Variants in IQCM observed in about 807,000 individuals in gnomAD.
IQCM encodes the protein IQ domain-containing protein M.
In IQCM, 45 loss-of-function variants were observed where a neutral mutation model predicts 57.6. The ratio of observed to expected loss-of-function variants is 0.78; its 90% CI spans 0.62 to 1.00. The LOEUF is 1.00. IQCM is among the 50% of genes least tolerant of loss of function. The pLI is 0.00. For synonymous variants in IQCM, 148 were observed against 158.9 expected, an observed-to-expected ratio of 0.93 and a Z score of 0.51; for missense variants, 468 against 511.6, an observed-to-expected ratio of 0.91 and a Z score of 0.82.
At chr4:149,567,899 A>C (rs1750783469) in intron 9 of IQCM, among the ~76,000 whole-genome samples, 1 of 152,160 alleles carries the variant, frequency 6.6e-6, no homozygotes, top group African/African-American at 2.4e-5. Context: ...TATTAGGACC[A>C]TTGGCTCAAA....
At chr4:149,724,408 T>C (rs1049612412) in intron 5 of IQCM, among the ~76,000 whole-genome samples, 15 of 152,030 alleles carry the variant, frequency 9.9e-5, no homozygotes, top group Admixed American at 2.6e-4. Flanking sequence ...TATGCTCTCA[T>C]TTTATATATA....
chr4:149,445,281 C>A (rs572858030), intron 12 of IQCM, among the ~76,000 whole-genome samples: 4 of 151,832 alleles, frequency 2.6e-5, no homozygotes, highest in Admixed American at 6.6e-5. Flanking sequence ...GTAGGATAAA[C>A]CTGGATTCCT....
intron 5 of IQCM, among the ~76,000 whole-genome samples, chr4:149,687,401 A>T (rs1487989956): frequency 6.6e-6 from 1 of 151,592 alleles, no homozygotes. Flanking sequence ...TCAGAAAAAA[A>T]AAATTTAAAA....
At chr4:149,803,741 C>A (rs1409774178) in intron 2 of IQCM, among the ~76,000 whole-genome samples, 1 of 151,846 alleles carries the variant, frequency 6.6e-6, no homozygotes, top group Non-Finnish European at 1.5e-5. Context: ...TAGGTGTCAA[C>A]ATTTTTGCTA....
intron 8 of IQCM, among the ~76,000 whole-genome samples, chr4:149,601,937 T>C (rs1434704516): frequency 1.3e-5 from 2 of 148,992 alleles, no homozygotes; most frequent in East Asian, 4.0e-4. Context: ...GCCTGTAGTC[T>C]GAGCTACTTG....
intron 12 of IQCM, among the ~76,000 whole-genome samples, chr4:149,451,055 G>A (rs956471261): frequency 1.3e-5 from 2 of 151,760 alleles, no homozygotes; most frequent in South Asian, 4.1e-4. Flanking sequence ...TGGGACTGGA[G>A]GTCATTATGC....
intron 12 of IQCM, among the ~76,000 whole-genome samples, chr4:149,466,731 G>C (rs1053264304): frequency 6.6e-6 from 1 of 152,074 alleles, no homozygotes; most frequent in African/African-American, 2.4e-5. Flanking sequence ...ATATGTTCAG[G>C]CTGTGACAAC....
In IQCM at chr4:149,617,282, A is replaced by G. The variant is rs530565458; in HGVS notation, c.681+3847T>C. Among the ~76,000 whole-genome samples the G allele has an allele frequency of 7.9e-5, 12 of 152,246 alleles. No individual in the cohort carries two copies. The East Asian group carries it at 1.4e-3, about 17-fold the overall frequency. On this transcript the variant is annotated intron_variant, in intron 8 of 13. Transcript: ENST00000636793. ...TATCCTGGAACTTAAAGTAAACTAA[A>G]AAAACAAACAAAAAAAGAACTTGGT... is the stretch of plus-strand genomic sequence containing the variant.
At chr4:149,542,595 T>C (rs1413277476) in intron 12 of IQCM, among the ~76,000 whole-genome samples, 10 of 152,194 alleles carry the variant, frequency 6.6e-5, no homozygotes, top group African/African-American at 2.2e-4. Context: ...CTCTAGCATA[T>C]AGATCATTAT....
At chr4:149,742,236 T>G (rs1255709036) in intron 3 of IQCM, among the ~76,000 whole-genome samples, 3 of 152,222 alleles carry the variant, frequency 2.0e-5, no homozygotes, top group Non-Finnish European at 4.4e-5. Flanking sequence ...GCTAAATTTT[T>G]ATCAGAACTA....
intron 8 of IQCM, among the ~76,000 whole-genome samples, chr4:149,611,317 G>T (rs544172802): frequency 1.3e-5 from 2 of 152,230 alleles, no homozygotes; most frequent in East Asian, 3.9e-4. Context: ...ACATGATTCA[G>T]CAACCCCACT....
At chr4:149,365,379 C>A (rs919445577) in intron 13 of IQCM, among the ~76,000 whole-genome samples, 1 of 152,194 alleles carries the variant, frequency 6.6e-6, no homozygotes, top group South Asian at 2.1e-4. Flanking sequence ...ATATACATAA[C>A]TATTTACTAG....
chr4:149,573,217 G>T (rs1347784984), intron 9 of IQCM, among the ~76,000 whole-genome samples: 2 of 150,868 alleles, frequency 1.3e-5, no homozygotes, highest in Non-Finnish European at 3.0e-5. Context: ...TTATATAATT[G>T]TAACTTTTAA....
At chr4:149,745,554 T>C (rs147316634) in intron 2 of IQCM, among the ~76,000 whole-genome samples, 1 of 152,310 alleles carries the variant, frequency 6.6e-6, no homozygotes, top group East Asian at 1.9e-4. Flanking sequence ...TAAGGCTCTC[T>C]GAAACGGTTA....
intron 13 of IQCM, among the ~76,000 whole-genome samples, chr4:149,394,415 C>T (rs1165000090): frequency 2.6e-5 from 4 of 151,994 alleles, no homozygotes; most frequent in Admixed American, 6.6e-5. Flanking sequence ...CTTTCAGAGA[C>T]ATTTATCTTG....
At chr4:149,384,798 A>C (rs2111051488) in intron 13 of IQCM, among the ~76,000 whole-genome samples, 1 of 151,924 alleles carries the variant, frequency 6.6e-6, no homozygotes, top group Non-Finnish European at 1.5e-5. Context: ...TAAACCTAAG[A>C]GAGTAGAGGA....
intron 5 of IQCM, among the ~76,000 whole-genome samples, chr4:149,701,209 C>T (rs905733020): frequency 6.6e-6 from 1 of 151,952 alleles, no homozygotes; most frequent in Non-Finnish European, 1.5e-5. Flanking sequence ...GAGAAGGGAG[C>T]AGTCATTAGT....
chr4:149,447,750 A>T (rs1325758150), intron 12 of IQCM, among the ~76,000 whole-genome samples: 1 of 151,646 alleles, frequency 6.6e-6, no homozygotes. Flanking sequence ...TTTCCAAATT[A>T]AATTAAAATT....
intron 12 of IQCM, among the ~76,000 whole-genome samples, chr4:149,446,833 C>G (rs1736562623): frequency 1.3e-5 from 2 of 151,416 alleles, no homozygotes; most frequent in Admixed American, 1.3e-4. Context: ...CTGAAGATGG[C>G]TTATATTTTA....
Sources: allele counts gnomAD v4.1 joint callset (sites outside exome capture counted in the v4.1 genomes callset), GRCh38; gene constraint gnomAD v4.1.1; transcripts MANE v1.5; gene names NCBI Gene and HGNC (gene_info 2026-07-23, HGNC 2026-07-21).